COP1: variants seen among roughly 807,000 people sequenced by gnomAD.
COP1 encodes the protein E3 ubiquitin-protein ligase COP1.
Under a neutral mutation model 101.3 loss-of-function variants are expected in COP1, and 24 were observed. The observed-to-expected ratio is 0.24, with a 90% confidence interval of 0.17 to 0.33. The LOEUF (loss-of-function observed/expected upper bound fraction) is 0.33. Among genes scored for constraint, COP1 ranks in the 10% least tolerant of loss-of-function variants. The pLI is 1.00. For missense variants in COP1, 663 were observed against 906.2 expected (o/e 0.73, Z 3.45); for synonymous variants, 347 against 341.9 (o/e 1.01, Z -0.17).
intron 14 of COP1, among the ~76,000 whole-genome samples, chr1:176,032,898 A>G (rs559690806): frequency 6.6e-6 from 1 of 152,248 alleles, no homozygotes; most frequent in South Asian, 2.1e-4. Context: ...TAAATTCAGG[A>G]GAGAATATAC....
chr1:176,189,748 C>T (rs1698906989), intron 1 of COP1, among the ~76,000 whole-genome samples: 1 of 151,382 alleles, frequency 6.6e-6, no homozygotes, highest in Admixed American at 6.6e-5. Context: ...GAAAAAGAAA[C>T]ATAATACTGT....
At chr1:176,005,742 T>C (rs1217501701) in intron 15 of COP1, among the ~76,000 whole-genome samples, 2 of 62,314 alleles carry the variant, frequency 3.2e-5, no homozygotes, top group Non-Finnish European at 1.0e-4. Flanking sequence ...TCTGTTCTTT[T>C]ACATTTGCTG....
intron 15 of COP1, among the ~76,000 whole-genome samples, chr1:176,010,613 A>G (rs1664490486): frequency 6.6e-6 from 1 of 152,220 alleles, no homozygotes; most frequent in Non-Finnish European, 1.5e-5. Flanking sequence ...CATCAAAAGA[A>G]GAGGCACATG....
intron 14 of COP1, among the ~76,000 whole-genome samples, chr1:176,034,808 A>G (rs1557968879): frequency 6.6e-6 from 1 of 152,240 alleles, no homozygotes; most frequent in East Asian, 1.9e-4. Flanking sequence ...CATGGGCATT[A>G]GGCAGACTCA....
intron 19 of COP1, among the ~76,000 whole-genome samples, 196 bp downstream of exon 19, chr1:175,946,999 C>T (rs1649257487): frequency 6.6e-6 from 1 of 152,182 alleles, no homozygotes. Flanking sequence ...ATCCATACAA[C>T]CTCAATAAGC....
chr1:175,982,466 A>T, intron 18 of COP1: 1 of 450,796 alleles, frequency 2.2e-6, no homozygotes, highest in Non-Finnish European at 4.5e-6. Context: ...GATGAGGATG[A>T]AGACCTTTAT....
At chr1:176,182,929 CT>C (rs751537741) in intron 2 of COP1, among the ~76,000 whole-genome samples, 5 of 152,106 alleles carry the variant, frequency 3.3e-5, no homozygotes, top group Non-Finnish European at 7.4e-5. Context: ...CTAATCATTC[CT>C]TTTCCTCTGA....
chr1:176,078,829 TGAG>T (rs1201251313), intron 11 of COP1, among the ~76,000 whole-genome samples: 1 of 150,858 alleles, frequency 6.6e-6, no homozygotes, highest in East Asian at 2.0e-4. Context: ...CAATAAAAAA[TGAG>T]AAGACACAGA....
chr1:176,124,991 T>G (rs527725084), intron 8 of COP1, among the ~76,000 whole-genome samples: 1 of 152,316 alleles, frequency 6.6e-6, no homozygotes, highest in South Asian at 2.1e-4. Context: ...TTCATTGTAG[T>G]TGTGATTTGC....
At chr1:176,010,339 T>G (rs962312950) in intron 15 of COP1, among the ~76,000 whole-genome samples, 1 of 152,178 alleles carries the variant, frequency 6.6e-6, no homozygotes, top group Non-Finnish European at 1.5e-5. Context: ...ATACAATGCA[T>G]CCTATATTCA....
chr1:175,997,052 T>C (rs992562559), intron 15 of COP1, among the ~76,000 whole-genome samples: 1 of 150,912 alleles, frequency 6.6e-6, no homozygotes, highest in Non-Finnish European at 1.5e-5. Flanking sequence ...AAAACAGAGA[T>C]ATAGATCAAT....
chr1:176,149,052 T>G lies in COP1; in HGVS notation c.785A>C (p.Gln262Pro), dbSNP rs1692012115. 6.3e-7 allele frequency: 1 copy of G among 1,588,866 alleles called. No homozygotes were observed. ...AACCTTGAGGAATTCCATAAGAATC[T>G]GTAGTTGGGCTGCATGTGATTCCTA... Reference protein sequence around the residue: ...LEAESHAAQLQILMEFLKVAR... With the variant: ...LEAESHAAQLPILMEFLKVAR... Residue 262 changes from glutamine to proline, a missense_variant, in exon 6 of 20, where the codon CAG (glutamine) becomes CCG (proline). Around this residue, in one of 4 missense-constraint regions of COP1, gnomAD observed 212 missense variants for 240.7 expected, o/e 0.88. Transcript: ENST00000367669.
chr1:176,123,291 A>G (rs1687447752), intron 8 of COP1, among the ~76,000 whole-genome samples: 1 of 152,222 alleles, frequency 6.6e-6, no homozygotes, highest in African/African-American at 2.4e-5. Flanking sequence ...GGACTTCGGT[A>G]GGAGAGATGT....
intron 18 of COP1, among the ~76,000 whole-genome samples, chr1:175,961,714 A>G (rs1381089437): frequency 1.3e-5 from 2 of 151,272 alleles, no homozygotes; most frequent in African/African-American, 2.4e-5. Context: ...AAAAAAAAAA[A>G]AAAGAATATA....
At chr1:175,984,155 T>C (rs1656547772) in intron 18 of COP1, among the ~76,000 whole-genome samples, 1 of 152,186 alleles carries the variant, frequency 6.6e-6, no homozygotes, top group South Asian at 2.1e-4. Flanking sequence ...TCAAGAGGTC[T>C]TCAGAGCAAC....
chr1:176,151,353 A>AAAAGAAAAAG (rs1692462528), intron 5 of COP1, among the ~76,000 whole-genome samples: 1 of 115,992 alleles, frequency 8.6e-6, no homozygotes, highest in African/African-American at 3.6e-5. Context: ...GAAAGAAAGA[A>AAAAGAAAAAG]AAAGAAAGAA....
intron 5 of COP1, among the ~76,000 whole-genome samples, chr1:176,150,387 T>C (rs1294224486): frequency 1.3e-5 from 2 of 152,182 alleles, no homozygotes; most frequent in African/African-American, 4.8e-5. Context: ...CATAGAATCA[T>C]GAAGATTGAA....
At chr1:175,987,715 C>G (rs1657453682) in intron 17 of COP1, among the ~76,000 whole-genome samples, 1 of 152,174 alleles carries the variant, frequency 6.6e-6, no homozygotes, top group Non-Finnish European at 1.5e-5. Context: ...CTTTGCTGAA[C>G]AAAGGCCAAG....
intron 15 of COP1, among the ~76,000 whole-genome samples, chr1:175,993,628 G>A (rs1186491718): frequency 6.6e-6 from 1 of 152,160 alleles, no homozygotes; most frequent in Non-Finnish European, 1.5e-5. Context: ...GAGATGAACT[G>A]GAAGAAAGGG....
Sources: gnomAD v4.1 joint callset for allele counts (sites outside exome capture counted in the v4.1 genomes callset) on GRCh38, gnomAD v4.1.1 for gene constraint, gnomAD v4.1.1 regional missense constraint, MANE v1.5 for transcripts, NCBI Gene and HGNC (gene_info 2026-07-23, HGNC 2026-07-21) for gene names.